RBFOX1: variants seen among roughly 807,000 people sequenced by gnomAD.
RBFOX1 encodes RNA binding fox-1 homolog 1, also known as RNA binding protein fox-1 homolog 1.
In RBFOX1, 8 loss-of-function variants were observed where a neutral mutation model predicts 57.7. The ratio of observed to expected loss-of-function variants is 0.14; its 90% confidence interval spans 0.08 to 0.25. RBFOX1 has a LOEUF of 0.25. Among genes scored for constraint, RBFOX1 ranks in the 10% least tolerant of loss-of-function variants. The pLI, the probability that RBFOX1 is intolerant of heterozygous loss-of-function variation, is 1.00. For synonymous variants in RBFOX1, 326 were observed against 222.4 expected, an observed-to-expected ratio of 1.47 and a Z score of -4.15; for missense variants, 611 against 548.5, an observed-to-expected ratio of 1.11 and a Z score of -1.14.
At chr16:7,542,053 A>T (rs11645744) in intron 5 of RBFOX1, among the ~76,000 whole-genome samples, 6,334 of 152,272 alleles carry the variant, frequency 0.042, 197 homozygotes, top group East Asian at 0.12. Context: ...GGGTACTGGC[A>T]GCTTTCGTGG....
intron 3 of RBFOX1, among the ~76,000 whole-genome samples, chr16:5,618,636 T>C (rs1438840698): frequency 6.6e-6 from 1 of 152,186 alleles, no homozygotes; most frequent in Non-Finnish European, 1.5e-5. Flanking sequence ...CGCGCCCAGC[T>C]GGCTGTAGAT....
intron 2 of RBFOX1, among the ~76,000 whole-genome samples, chr16:6,626,785 T>A (rs2098314172): frequency 7.0e-6 from 1 of 142,680 alleles, no homozygotes; most frequent in Non-Finnish European, 1.6e-5. Context: ...TAAAATAAAA[T>A]AGAAATAAAA....
chr16:6,964,317 C>A (rs768061970), intron 3 of RBFOX1, among the ~76,000 whole-genome samples: 1 of 152,148 alleles, frequency 6.6e-6, no homozygotes, highest in Non-Finnish European at 1.5e-5. Flanking sequence ...TTGTGCCTGG[C>A]AGCATAGAGG....
chr16:6,763,174 C>G (rs1467328383), intron 3 of RBFOX1, among the ~76,000 whole-genome samples: 1 of 152,176 alleles, frequency 6.6e-6, no homozygotes, highest in African/African-American at 2.4e-5. Context: ...CTTTGCTAAC[C>G]TAATGCCTTC....
chr16:6,771,883 C>T (rs1485936657), intron 3 of RBFOX1, among the ~76,000 whole-genome samples: 1 of 152,110 alleles, frequency 6.6e-6, no homozygotes, highest in Non-Finnish European at 1.5e-5. Context: ...TCCCTTCTCC[C>T]CATTAGACCT....
intron 3 of RBFOX1, among the ~76,000 whole-genome samples, chr16:6,724,113 G>A (rs572923475): frequency 6.6e-6 from 1 of 152,262 alleles, no homozygotes; most frequent in East Asian, 1.9e-4. Context: ...TGGTGGCAGG[G>A]ACTTCATGAA....
chr16:5,785,157 AGACGG>A (rs1280785521), intron 3 of RBFOX1, among the ~76,000 whole-genome samples: 1 of 152,206 alleles, frequency 6.6e-6, no homozygotes, highest in Non-Finnish European at 1.5e-5. Context: ...GGTGTTAAAG[AGACGG>A]GACATTCAAC....
At chr16:6,928,886 G>C (rs1185507091) in intron 3 of RBFOX1, among the ~76,000 whole-genome samples, 1 of 152,094 alleles carries the variant, frequency 6.6e-6, no homozygotes, top group African/African-American at 2.4e-5. Context: ...CAGAAACTTA[G>C]AAATGGAGCC....
intron 1 of RBFOX1, among the ~76,000 whole-genome samples, chr16:6,030,959 C>G (rs1375051556): frequency 6.6e-6 from 1 of 152,186 alleles, no homozygotes; most frequent in African/African-American, 2.4e-5. Flanking sequence ...GACATCATCT[C>G]TGCCTAGTGA....
At chr16:7,002,299 C>G (rs967106395) in intron 3 of RBFOX1, among the ~76,000 whole-genome samples, 1 of 152,212 alleles carries the variant, frequency 6.6e-6, no homozygotes, top group African/African-American at 2.4e-5. Flanking sequence ...TGAGCCAGTG[C>G]ATTTTCTTGT....
At chr16:6,976,872 GTCAT>G (rs1348819103) in intron 3 of RBFOX1, among the ~76,000 whole-genome samples, 1 of 6,642 alleles carries the variant, frequency 1.5e-4, no homozygotes, top group Non-Finnish European at 2.1e-4. Context: ...TATCACATAT[GTCAT>G]ATCCATATCA....
At chr16:5,629,780 T>A (rs149311063) in intron 3 of RBFOX1, among the ~76,000 whole-genome samples, 5 of 152,186 alleles carry the variant, frequency 3.3e-5, no homozygotes, top group African/African-American at 9.7e-5. Context: ...TTCTGTTCAG[T>A]TGGAAGCAAC....
intron 3 of RBFOX1, among the ~76,000 whole-genome samples, chr16:6,888,936 T>G (rs911676291): frequency 6.6e-6 from 1 of 152,210 alleles, no homozygotes; most frequent in South Asian, 2.1e-4. Flanking sequence ...TAGAAACCTT[T>G]AATCACTTAC....
intron 4 of RBFOX1, among the ~76,000 whole-genome samples, chr16:5,897,069 C>T (rs1015020216): frequency 2.6e-5 from 3 of 117,176 alleles, no homozygotes; most frequent in African/African-American, 1.0e-4. Context: ...CGCTCTGTCG[C>T]CCAGGCCGGA....
intron 2 of RBFOX1, among the ~76,000 whole-genome samples, chr16:6,459,717 C>T (rs1174860187): frequency 6.6e-6 from 1 of 151,996 alleles, no homozygotes. Context: ...TGGCTCATGA[C>T]TGTAATCCCA....
chr16:6,713,548 T>A (rs11077075), intron 3 of RBFOX1, among the ~76,000 whole-genome samples: 1 of 152,016 alleles, frequency 6.6e-6, no homozygotes, highest in Non-Finnish European at 1.5e-5. Context: ...CCCTCCCCAG[T>A]TGAGACAACC....
At chr16:5,447,176 A>G (rs2068268404) in intron 1 of RBFOX1, among the ~76,000 whole-genome samples, 1 of 152,034 alleles carries the variant, frequency 6.6e-6, no homozygotes, top group Admixed American at 6.6e-5. Flanking sequence ...CCCACCTACA[A>G]TAACCTTCCC....
intron 1 of RBFOX1, among the ~76,000 whole-genome samples, chr16:5,330,994 A>G (rs1000264905): frequency 6.6e-6 from 1 of 151,538 alleles, no homozygotes; most frequent in Admixed American, 6.6e-5. Context: ...TTTTTTTCCA[A>G]TTAAATTTAA....
intron 2 of RBFOX1, among the ~76,000 whole-genome samples, chr16:6,610,650 A>G (rs757426556): frequency 1.3e-5 from 2 of 152,186 alleles, no homozygotes; most frequent in African/African-American, 2.4e-5. Flanking sequence ...TATCCTGATT[A>G]TACATTAACT....
Sources: allele counts gnomAD v4.1 joint callset (sites outside exome capture counted in the v4.1 genomes callset), GRCh38; gene constraint gnomAD v4.1.1; transcripts MANE v1.5; gene names NCBI Gene and HGNC (gene_info 2026-07-23, HGNC 2026-07-21).